SYT16: variants seen among roughly 807,000 people sequenced by gnomAD.
SYT16 encodes synaptotagmin-16.
A neutral mutation model predicts 61.4 loss-of-function variants in SYT16; 42 were observed. The observed-to-expected ratio is 0.68, with a 90% CI of 0.53 to 0.89. The LOEUF (loss-of-function observed/expected upper bound fraction) is 0.89, where lower values mean the gene tolerates loss of function less well. Ranked by LOEUF, SYT16 falls within the 40% of genes least tolerant of loss-of-function variation. SYT16 has a pLI of 0.00. For missense variants in SYT16, 804 were observed against 807.3 expected, an observed-to-expected ratio of 1.00 and a Z score of 0.05; for synonymous variants, 314 against 302.3, an observed-to-expected ratio of 1.04 and a Z score of -0.40.
chr14:61,963,574 G>T (rs146973502), intron 1 of SYT16, among the ~76,000 whole-genome samples: 23 of 152,326 alleles, frequency 1.5e-4, no homozygotes, highest in African/African-American at 5.5e-4. Context: ...GAAGAGGTTG[G>T]TTCCTGAGGT....
chr14:62,079,727 A>G (rs977370889), intron 5 of SYT16, among the ~76,000 whole-genome samples: 29 of 152,262 alleles, frequency 1.9e-4, no homozygotes, highest in African/African-American at 7.0e-4. Context: ...GGTAAGGATC[A>G]TGCCTTCAGA....
chr14:62,063,918 T>A (rs8005664), intron 3 of SYT16, among the ~76,000 whole-genome samples: 1 of 151,940 alleles, frequency 6.6e-6, no homozygotes, highest in Non-Finnish European at 1.5e-5. Flanking sequence ...GAGAGTCAGC[T>A]TTCTCTTTGG....
intron 1 of SYT16, among the ~76,000 whole-genome samples, chr14:61,964,596 A>C (rs879472585): frequency 6.6e-6 from 1 of 152,192 alleles, no homozygotes; most frequent in African/African-American, 2.4e-5. Flanking sequence ...TGTTGAAATG[A>C]CAACAAAGGA....
chr14:62,100,639 C>G lies in SYT16; in HGVS notation c.1870C>G (p.His624Asp). ...CAGCAGTGGAGAGGAGGAACAAGAT[C>G]ACTGGGAGGAGATGAAGGAAACCAA... is the stretch of plus-strand genomic sequence containing the variant. ...QNSSGEEEQDHWEEMKETKGQ... is the reference protein window; with the variant it reads ...QNSSGEEEQDDWEEMKETKGQ... The change falls in exon 8 of 8, where the codon CAC becomes GAC. Residue 624 changes from histidine to aspartate, a missense_variant. His to Asp is a moderately conservative substitution (Grantham distance 81). Coordinates refer to ENST00000683842, the MANE Select transcript of SYT16 (RefSeq NM_001367656.1). The G allele has an allele frequency of 6.2e-7, 1 of 1,613,804 alleles. No individual in the cohort carries two copies. Among genetic ancestry groups the G allele is most frequent in the African/African-American group, 1.3e-5 (1 of 75,014 alleles).
intron 5 of SYT16, 102 bp downstream of exon 5, chr14:62,075,493 G>C (rs1215965023): frequency 1.5e-6 from 2 of 1,294,798 alleles, no homozygotes; most frequent in Non-Finnish European, 2.0e-6. Context: ...ATTCCAGAAA[G>C]GAAGCATTAC....
intron 1 of SYT16, among the ~76,000 whole-genome samples, chr14:61,940,525 C>A (rs2050166354): frequency 6.6e-6 from 1 of 152,148 alleles, no homozygotes; most frequent in Non-Finnish European, 1.5e-5. Context: ...CATTCTGCAA[C>A]TTTGGATAAG....
intron 1 of SYT16, among the ~76,000 whole-genome samples, chr14:61,910,393 C>G (rs1328958862): frequency 1.3e-5 from 2 of 152,010 alleles, no homozygotes; most frequent in Non-Finnish European, 2.9e-5. Context: ...CGCCAGCCAC[C>G]ATGCCCGGCT....
chr14:61,863,833 A>G (rs1386055637), intron 1 of SYT16, among the ~76,000 whole-genome samples: 1 of 152,160 alleles, frequency 6.6e-6, no homozygotes, highest in Non-Finnish European at 1.5e-5. Flanking sequence ...TTGCATATCA[A>G]TGCCCAGTTG....
At position 61,849,627 on chromosome 14, in the gene SYT16, C is replaced by T. The variant is rs572923960; in HGVS notation, c.-325+36817C>T. On this transcript the variant is annotated intron_variant, in intron 1 of 7. Transcript: ENST00000683842. Reference sequence around the variant, plus strand: ...CACTGAGTTCCAATGCAAAGTCCCACAATCACTATGCTCTCCCTCCCTCAA... The same window carrying T: ...CACTGAGTTCCAATGCAAAGTCCCATAATCACTATGCTCTCCCTCCCTCAA... Among the ~76,000 whole-genome samples, 4 of 152,274 alleles carry T rather than the reference C, an allele frequency of 2.6e-5. No homozygotes were observed. In the South Asian group the frequency reaches 8.3e-4, roughly 32 times the overall value.
At chr14:62,023,946 A>G (rs1388637875) in intron 3 of SYT16, among the ~76,000 whole-genome samples, 2 of 152,098 alleles carry the variant, frequency 1.3e-5, no homozygotes, top group Non-Finnish European at 2.9e-5. Flanking sequence ...TGTTTTATCA[A>G]TTTCCCATAA....
chr14:61,813,756 A>G (rs950903269), intron 1 of SYT16, among the ~76,000 whole-genome samples: 1 of 150,922 alleles, frequency 6.6e-6, no homozygotes, highest in Non-Finnish European at 1.5e-5. Context: ...ACAGAGGAAA[A>G]AAACAAAAAT....
chr14:61,829,897 A>G (rs2140232043), intron 1 of SYT16, among the ~76,000 whole-genome samples: 1 of 152,046 alleles, frequency 6.6e-6, no homozygotes, highest in South Asian at 2.1e-4. Flanking sequence ...CTCGTGATCC[A>G]CCTGCCTTGG....
At chr14:62,090,346 A>G (rs1355071160) in intron 7 of SYT16, among the ~76,000 whole-genome samples, 1 of 152,280 alleles carries the variant, frequency 6.6e-6, no homozygotes, top group Non-Finnish European at 1.5e-5. Context: ...GCAGCAGCAT[A>G]TTAACCTTGT....
intron 1 of SYT16, among the ~76,000 whole-genome samples, chr14:61,932,276 C>A (rs1292039158): frequency 6.6e-6 from 1 of 152,206 alleles, no homozygotes; most frequent in Non-Finnish European, 1.5e-5. Context: ...CCATGGCCCC[C>A]TTCAGTGTTT....
intron 3 of SYT16, among the ~76,000 whole-genome samples, chr14:62,063,797 C>T (rs1174066675): frequency 6.6e-6 from 1 of 152,196 alleles, no homozygotes; most frequent in Non-Finnish European, 1.5e-5. Flanking sequence ...TACCTTTCTG[C>T]CTGTCAAAGT....
chr14:62,097,301 T>C (rs1295850345), intron 7 of SYT16, among the ~76,000 whole-genome samples: 1 of 152,186 alleles, frequency 6.6e-6, no homozygotes, highest in African/African-American at 2.4e-5. Flanking sequence ...GGTTCTGAGT[T>C]ACTAAAGATA....
chr14:62,034,753 G>T (rs1370556337), intron 3 of SYT16, among the ~76,000 whole-genome samples: 1 of 152,128 alleles, frequency 6.6e-6, no homozygotes, highest in Non-Finnish European at 1.5e-5. Context: ...TAGATATGAG[G>T]TTTCCTTTTC....
intron 1 of SYT16, among the ~76,000 whole-genome samples, chr14:61,873,878 G>C (rs923669587): frequency 6.6e-6 from 1 of 152,188 alleles, no homozygotes; most frequent in Non-Finnish European, 1.5e-5. Flanking sequence ...AAAACGGGAT[G>C]GTGGGCCTTT....
chr14:61,894,921 G>C (rs1247297373), intron 1 of SYT16, among the ~76,000 whole-genome samples: 1 of 152,148 alleles, frequency 6.6e-6, no homozygotes, highest in East Asian at 1.9e-4. Flanking sequence ...TGGCTTGTTG[G>C]GGGGCAGTTT....
Sources: gnomAD v4.1 joint callset for allele counts (sites outside exome capture counted in the v4.1 genomes callset) on GRCh38, gnomAD v4.1.1 for gene constraint, MANE v1.5 for transcripts, NCBI Gene and HGNC (gene_info 2026-07-23, HGNC 2026-07-21) for gene names.